Variants in RUSC1 observed in about 807,000 individuals in gnomAD.
RUSC1 encodes the protein AP-4 complex accessory subunit RUSC1.
RUSC1 carries 40 observed loss-of-function variants against 72.1 expected under a neutral mutation model. That is an observed-to-expected ratio of 0.55 (90% CI 0.43 to 0.72). The LOEUF is 0.72. Ranked by LOEUF, RUSC1 falls within the 30% of genes least tolerant of loss-of-function variation. The probability of loss-of-function intolerance (pLI) is 0.00; values close to 1 mark genes in which losing one functional copy is unlikely to be tolerated. For synonymous variants in RUSC1, 512 were observed against 494.2 expected (o/e 1.04, Z -0.48); for missense variants, 1,092 against 1,172.3 (o/e 0.93, Z 1.00).
rs375587825 is a variant in RUSC1 at position 155,325,692 on chromosome 1, G to C, written c.1814+20G>C. 22 of 1,612,612 alleles carry C rather than the reference G, an allele frequency of 1.4e-5. No homozygotes were observed. The highest frequency in any genetic ancestry group is 1.9e-5 in the Non-Finnish European group (22 of 1,179,236). On this transcript the variant is annotated intron_variant, in intron 6 of 9. Transcript: ENST00000368352. The surrounding 1 kb of genome is among the most constrained non-coding windows in gnomAD (Gnocchi z 6.5). ...CCTCAAGTGAGTTGCCTTCTTTCCAGTGCCCTTCCCACGACCTGGGACTGC... is the reference window on the plus strand; with the variant it reads ...CCTCAAGTGAGTTGCCTTCTTTCCACTGCCCTTCCCACGACCTGGGACTGC...
Position 155,322,239 on chromosome 1 carries a change from T to A in RUSC1, c.466T>A (p.Ser156Thr). ...GGCTTCAGCAGGCCCTGGCACCTGCTCACCGGACAGCTTCTGCTGCTCTCC... is the reference window on the plus strand; with the variant it reads ...GGCTTCAGCAGGCCCTGGCACCTGCACACCGGACAGCTTCTGCTGCTCTCC... ...PLASAGPGTC[S>T]PDSFCCSPDS... Residue 156 changes from serine (S) to threonine (T), a missense_variant, in exon 2 of 10, where the codon TCA (serine) becomes ACA (threonine). By Grantham distance (58) the Ser-to-Thr change is moderately conservative. Transcript: ENST00000368352. 2 of 1,613,132 alleles carry A rather than the reference T, an allele frequency of 1.2e-6. No homozygotes were observed. Among genetic ancestry groups the A allele is most frequent in the Non-Finnish European group, 1.7e-6 (2 of 1,179,308 alleles).
At chr1:155,323,902 G>T in intron 2 of RUSC1, 1 of 986,986 alleles carries the variant, frequency 1.0e-6, no homozygotes, top group East Asian at 1.1e-4. Flanking sequence ...CTTTTTTTCC[G>T]GGGTTGCCCA....
Position 155,321,730 on chromosome 1 carries a change from T to C in RUSC1, c.-44T>C. On this transcript the variant is annotated 5_prime_UTR_variant, in exon 2 of 10. Transcript: ENST00000368352. ...CCAGGTAGGTGGATGTGAGAGACCC[T>C]ACCCTTCTGGTTCTCTAGAAGCCAT... is the stretch of plus-strand genomic sequence containing the variant. 6.2e-7 allele frequency: 1 copy of C among 1,609,982 alleles called. No individual in the cohort carries two copies. The highest frequency in any genetic ancestry group is 8.5e-7 in the Non-Finnish European group (1 of 1,177,244).
chr1:155,327,960 T>C (rs1362120128), intron 8 of RUSC1, among the ~76,000 whole-genome samples, 190 bp from the exon 9 acceptor site: 2 of 152,230 alleles, frequency 1.3e-5, no homozygotes, highest in Non-Finnish European at 2.9e-5. Context: ...TGTGGACTTT[T>C]GTTGTCATCT....
At position 155,324,576 on chromosome 1, in the gene RUSC1, G is replaced by A. The variant is rs532756829; in HGVS notation, c.1358-269G>A. On this transcript the variant is annotated intron_variant, in intron 2 of 9. Transcript: ENST00000368352. ...GCGGCCATCCCGCTCCCGGAGTTCC[G>A]GGATCCTGGAGGTGGGGGCTGTGCC... 2.8e-4 allele frequency: 439 copies of A among 1,574,058 alleles called. 1 individual carries two copies. The East Asian group carries it at 8.8e-3, about 32-fold the overall frequency.
intron 2 of RUSC1, chr1:155,324,494 C>A: frequency 6.2e-7 from 1 of 1,606,208 alleles, no homozygotes; most frequent in Non-Finnish European, 8.5e-7. Flanking sequence ...CACCTCCCTC[C>A]CCGCGCCCCG....
At position 155,327,012 on chromosome 1, in the gene RUSC1, G is replaced by A. The variant is rs755685899; in HGVS notation, c.2294G>A (p.Gly765Asp). The change falls in exon 8 of 10, where the codon GGT becomes GAT. Residue 765 changes from glycine to aspartate, a missense_variant. Gly to Asp is a moderately conservative substitution (Grantham distance 94, BLOSUM62 -1). Transcript: ENST00000368352. ...CGTCATGGGACTGCAGCTGAAGAAG[G>A]TGCACAGGAGAGACCCCTGCCCACA... ...PGRHGTAAEE[G>D]AQERPLPTDE... 1 of 1,613,592 alleles carries A rather than the reference G, an allele frequency of 6.2e-7. No homozygotes were observed. Among genetic ancestry groups the A allele is most frequent in the South Asian group, 1.1e-5 (1 of 91,088 alleles).
chr1:155,326,452 C>T lies in RUSC1; in HGVS notation c.1862-128C>T, dbSNP rs897549161. 2.1e-6 allele frequency: 2 copies of T among 949,126 alleles called. No individual in the cohort carries two copies. The highest frequency in any genetic ancestry group is 1.7e-5 in the South Asian group (1 of 59,676). The allele number at this position is 949,126 out of a possible 1,614,324, so 58.8% of individuals were successfully genotyped here. ...CAGTCCTATAGCCCACCACATCCTTCCTCCTCTCTGCCCCAGTGCCCAGCA... is the reference window on the plus strand; with the variant it reads ...CAGTCCTATAGCCCACCACATCCTTTCTCCTCTCTGCCCCAGTGCCCAGCA... On this transcript the variant is annotated intron_variant, in intron 7 of 9. Transcript: ENST00000368352. This position sits in a 1 kb window ranked among gnomAD's most constrained non-coding sequence, Gnocchi z 4.7.
In RUSC1 at chr1:155,325,724, G is replaced by C. The variant is rs775075433; in HGVS notation, c.1814+52G>C. On this transcript the variant is annotated intron_variant, in intron 6 of 9. Coordinates refer to ENST00000368352, the MANE Select transcript of RUSC1 (RefSeq NM_001105203.2). This position sits in a 1 kb window ranked among gnomAD's most constrained non-coding sequence, Gnocchi z 6.5. ...TCCCACGACCTGGGACTGCAGGAGC[G>C]TCATGGGTGGGACACAGTAGTAGTG... 1.2e-6 allele frequency: 2 copies of C among 1,600,360 alleles called. No individual in the cohort carries two copies. The highest frequency in any genetic ancestry group is 1.3e-5 in the African/African-American group (1 of 74,578).
intron 9 of RUSC1, 81 bp downstream of exon 9, chr1:155,328,356 C>G: frequency 7.0e-7 from 1 of 1,422,446 alleles, no homozygotes; most frequent in Non-Finnish European, 9.3e-7. Flanking sequence ...GTAAAAAACC[C>G]TGGGCTTTAA....
Position 155,320,926 on chromosome 1 carries a change from C to T in RUSC1, c.-152C>T. ...TGCCCCTCCCCTCCCGCTCTGTGCC[C>T]CGCCGGGCGGGGACCGTGGGAGCCG... On this transcript the variant is annotated 5_prime_UTR_variant, in exon 1 of 10. Coordinates refer to ENST00000368352, the MANE Select transcript of RUSC1 (RefSeq NM_001105203.2). The T allele has an allele frequency of 6.3e-7, 1 of 1,579,932 alleles. No individual in the cohort carries two copies. The highest frequency in any genetic ancestry group is 8.6e-7 in the Non-Finnish European group (1 of 1,162,382).
rs756656735 is a variant in RUSC1, at chr1:155,325,294, AT to A, written c.1534-21del. ...GGTGTCTGGAGGGATCTCTGGAGCCATCGGCATCGCGCCACCTCCAGGCCCA... is the reference window on the plus strand; with the variant it reads ...GGTGTCTGGAGGGATCTCTGGAGCCACGGCATCGCGCCACCTCCAGGCCCA... On this transcript the variant is annotated intron_variant, in intron 4 of 9. Coordinates refer to ENST00000368352, the MANE Select transcript of RUSC1 (RefSeq NM_001105203.2). The surrounding 1 kb of genome is among the most constrained non-coding windows in gnomAD (Gnocchi z 6.5). 6.2e-7 allele frequency: 1 copy of A among 1,604,840 alleles called. No individual in the cohort carries two copies. The highest frequency in any genetic ancestry group is 1.1e-5 in the South Asian group (1 of 90,972).
In RUSC1 at chr1:155,330,400, CAG is replaced by C; in HGVS notation, c.2541-2_2541-1del. On this transcript the variant is annotated splice_acceptor_variant, in intron 9 of 9. Coordinates refer to ENST00000368352, the MANE Select transcript of RUSC1 (RefSeq NM_001105203.2). LOFTEE classifies it high-confidence loss of function. ...CCCAGTATCTTCCTCTGGCTCCCCT[CAG>C]GGCAGTGCGGGCTCTCTGTGATCAC... 1 of 1,612,486 alleles carries C rather than the reference CAG, an allele frequency of 6.2e-7. No homozygotes were observed. The highest frequency in any genetic ancestry group is 8.5e-7 in the Non-Finnish European group (1 of 1,180,008).
chr1:155,322,773 C>G lies in RUSC1; in HGVS notation c.1000C>G (p.Gln334Glu). Reference protein sequence around the residue: ...KRGPGLPLVPQAKKDRSDWLI... With the variant: ...KRGPGLPLVPEAKKDRSDWLI... ...GGGCCCAGGGCTGCCCCTTGTCCCG[C>G]AGGCGAAGAAAGATCGCAGTGACTG... Residue 334 changes from glutamine (Q) to glutamate (E), a missense_variant, in exon 2 of 10, where the codon CAG becomes GAG. Transcript: ENST00000368352. 1 of 1,613,736 alleles carries G rather than the reference C, an allele frequency of 6.2e-7. No homozygotes were observed. The highest frequency in any genetic ancestry group is 8.5e-7 in the Non-Finnish European group (1 of 1,179,708).
rs1650548207 is a variant in RUSC1 at position 155,321,713 on chromosome 1, G to A, written c.-61G>A. 6.3e-7 allele frequency: 1 copy of A among 1,597,786 alleles called. No individual in the cohort carries two copies. The highest frequency in any genetic ancestry group is 8.5e-7 in the Non-Finnish European group (1 of 1,169,606). Reference sequence around the variant, plus strand: ...GTCTGCACCTGTGGTTGCCAGGTAGGTGGATGTGAGAGACCCTACCCTTCT... The same window carrying A: ...GTCTGCACCTGTGGTTGCCAGGTAGATGGATGTGAGAGACCCTACCCTTCT... On this transcript the variant is annotated 5_prime_UTR_variant, in exon 2 of 10. It adds an upstream start codon to the 5' untranslated region. Transcript: ENST00000368352.
chr1:155,329,251 A>T (rs1651758322), intron 9 of RUSC1, among the ~76,000 whole-genome samples: 2 of 149,072 alleles, frequency 1.3e-5, no homozygotes, highest in African/African-American at 5.0e-5. Flanking sequence ...ATGCCTGGCT[A>T]ATTTTTGTAA....
At position 155,328,211 on chromosome 1, in the gene RUSC1, C is replaced by T. The variant is rs1266498214; in HGVS notation, c.2476C>T (p.Pro826Ser). ...SVLALVKRGA[P>S]PEMPSPQELE... ...GTTGGCTCTTGTGAAGCGGGGGGCA[C>T]CTCCCGAGATGCCTTCTCCTCAGGA... The change falls in exon 9 of 10, where the codon CCT becomes TCT. Residue 826 changes from proline to serine, a missense_variant. Physicochemically the swap from Pro to Ser is moderately conservative, Grantham distance 74. Transcript: ENST00000368352. The T allele has an allele frequency of 4.5e-5, 72 of 1,613,384 alleles. No homozygotes were observed. Among genetic ancestry groups the T allele is most frequent in the Non-Finnish European group, 6.0e-5 (71 of 1,179,746 alleles).
chr1:155,325,817 G>A lies in RUSC1; in HGVS notation c.1815-47G>A, dbSNP rs775726781. ...TCCCATCCTCCACCCAGAGAGGACT[G>A]GAGTCCTCCACCTCCCTGAACTTCC... On this transcript the variant is annotated intron_variant, in intron 6 of 9. Transcript: ENST00000368352. The surrounding 1 kb of genome is among the most constrained non-coding windows in gnomAD (Gnocchi z 6.5). 2.9e-5 allele frequency: 46 copies of A among 1,601,674 alleles called. No individual in the cohort carries two copies. The highest frequency in any genetic ancestry group is 3.7e-5 in the Non-Finnish European group (43 of 1,168,878).
rs545462233 is a variant in RUSC1 at position 155,324,330 on chromosome 1, C to T, written c.1358-515C>T. 1.1e-5 allele frequency: 17 copies of T among 1,592,894 alleles called. No individual in the cohort carries two copies. The African/African-American group carries it at 2.2e-4, about 20-fold the overall frequency. ...GAGGCTGCTGCGGGACCCGGGTTTC[C>T]CCTTTCCGGCGCCTTCCAGCCTCCC... is the stretch of plus-strand genomic sequence containing the variant. On this transcript the variant is annotated intron_variant, in intron 2 of 9. Coordinates refer to ENST00000368352, the MANE Select transcript of RUSC1 (RefSeq NM_001105203.2).
Sources: allele counts gnomAD v4.1 joint callset (sites outside exome capture counted in the v4.1 genomes callset), GRCh38; gene constraint gnomAD v4.1.1; non-coding constraint Gnocchi (gnomAD v3.1); transcripts MANE v1.5; gene names NCBI Gene and HGNC (gene_info 2026-07-23, HGNC 2026-07-21).